FNIP1: variants seen among roughly 807,000 people sequenced by gnomAD.
The protein encoded by FNIP1 is folliculin-interacting protein 1.
FNIP1 carries 40 observed loss-of-function variants against 124.5 expected under a neutral mutation model. The observed-to-expected ratio is 0.32, with a 90% CI of 0.25 to 0.42. The LOEUF is 0.42. Ranked by LOEUF, FNIP1 falls within the 10% of genes least tolerant of loss-of-function variation. The pLI, the probability that FNIP1 is intolerant of heterozygous loss-of-function variation, is 1.00. For synonymous variants in FNIP1, 472 were observed against 470.6 expected (o/e 1.00, Z -0.04); for missense variants, 1,176 against 1,403.7 (o/e 0.84, Z 2.59).
chr5:131,775,618 C>G (rs561790384), intron 1 of FNIP1, among the ~76,000 whole-genome samples: 48 of 151,112 alleles, frequency 3.2e-4, no homozygotes, highest in Non-Finnish European at 6.5e-4. Context: ...ACCTCTGCCC[C>G]CCGGGTTCAA....
intron 1 of FNIP1, among the ~76,000 whole-genome samples, chr5:131,749,890 G>GT (rs1335012630): frequency 6.6e-6 from 1 of 152,044 alleles, no homozygotes; most frequent in Non-Finnish European, 1.5e-5. Context: ...TCTAGTGTGT[G>GT]TAAGTACACT....
chr5:131,736,016 C>G (rs1770290863), intron 2 of FNIP1, among the ~76,000 whole-genome samples: 1 of 152,110 alleles, frequency 6.6e-6, no homozygotes, highest in Non-Finnish European at 1.5e-5. Context: ...ATCCTCCCAC[C>G]TTGGCCTCCC....
intron 1 of FNIP1, among the ~76,000 whole-genome samples, chr5:131,750,003 G>A (rs1770816460): frequency 2.6e-5 from 4 of 152,142 alleles, no homozygotes; most frequent in Non-Finnish European, 5.9e-5. Flanking sequence ...GAAAACATAA[G>A]ATTTCCAGGC....
intron 1 of FNIP1, among the ~76,000 whole-genome samples, chr5:131,747,462 G>A (rs924868733): frequency 6.6e-6 from 1 of 152,146 alleles, no homozygotes; most frequent in Non-Finnish European, 1.5e-5. Context: ...ACAATGACTT[G>A]CATCACACTG....
chr5:131,734,402 C>G (rs2149552791), intron 2 of FNIP1, among the ~76,000 whole-genome samples: 1 of 151,928 alleles, frequency 6.6e-6, no homozygotes, highest in Admixed American at 6.6e-5. Context: ...TTCTCTAGTT[C>G]TTTTAATCAT....
chr5:131,734,966 C>T (rs1770237225), intron 2 of FNIP1, among the ~76,000 whole-genome samples: 1 of 152,120 alleles, frequency 6.6e-6, no homozygotes, highest in South Asian at 2.1e-4. Flanking sequence ...TGGGTATATA[C>T]CCAAAGGAAT....
chr5:131,788,981 C>T (rs901331297), intron 1 of FNIP1, among the ~76,000 whole-genome samples: 12 of 152,240 alleles, frequency 7.9e-5, no homozygotes, highest in Admixed American at 3.3e-4. Context: ...TTTACGGCAA[C>T]AGTATTTACA....
chr5:131,678,907 T>A (rs1441654822), intron 12 of FNIP1, 122 bp downstream of exon 12: 1 of 679,114 alleles, frequency 1.5e-6, no homozygotes, highest in Non-Finnish European at 2.4e-6. Context: ...TTTTTTAGAA[T>A]TCTGATTATT....
chr5:131,705,258 C>T (rs1008927051), intron 9 of FNIP1, among the ~76,000 whole-genome samples: 4 of 151,748 alleles, frequency 2.6e-5, no homozygotes, highest in Non-Finnish European at 5.9e-5. Context: ...ATCACTCGAG[C>T]CCAGAAGTTC....
intron 11 of FNIP1, among the ~76,000 whole-genome samples, chr5:131,692,184 T>C (rs538891084): frequency 6.6e-6 from 1 of 152,278 alleles, no homozygotes; most frequent in East Asian, 1.9e-4. Context: ...TTGGAACTAA[T>C]AAATGATTAT....
At chr5:131,700,338 G>A (rs1387582504) in intron 10 of FNIP1, among the ~76,000 whole-genome samples, 2 of 151,878 alleles carry the variant, frequency 1.3e-5, no homozygotes, top group Middle Eastern at 3.2e-3. Flanking sequence ...AATCTAGGTA[G>A]GCAAAAAGGG....
chr5:131,713,015 T>C (rs1769348691), intron 6 of FNIP1, among the ~76,000 whole-genome samples: 1 of 152,230 alleles, frequency 6.6e-6, no homozygotes, highest in Admixed American at 6.5e-5. Context: ...ACACACTCTC[T>C]GTATTTTTCC....
intron 6 of FNIP1, among the ~76,000 whole-genome samples, chr5:131,715,623 T>G (rs1246485233): frequency 6.6e-6 from 1 of 152,170 alleles, no homozygotes; most frequent in Non-Finnish European, 1.5e-5. Context: ...TTAAAATCAA[T>G]GAAGTAATCA....
rs560157419 is a variant in FNIP1 at position 131,722,384 on chromosome 5, C to G, written c.355-2967G>C. ...CCACTGTTTAGAGAGTGTCCCAATA[C>G]CATTCTTAACTGATGCAATTATATA... On this transcript the variant is annotated intron_variant, in intron 3 of 17. Coordinates refer to ENST00000510461, the MANE Select transcript of FNIP1 (RefSeq NM_133372.3). 2.2e-4 allele frequency among the ~76,000 whole-genome samples: 33 copies of G among 152,204 alleles called. 3 individuals carry two copies. In the South Asian group the frequency reaches 6.8e-3, roughly 32 times the overall value.
intron 11 of FNIP1, among the ~76,000 whole-genome samples, chr5:131,681,540 A>C (rs1768080497): frequency 6.6e-6 from 1 of 152,186 alleles, no homozygotes; most frequent in African/African-American, 2.4e-5. Flanking sequence ...TAATGCAAAC[A>C]ATGGAAGAAA....
At chr5:131,737,025 A>G (rs1173239391) in intron 2 of FNIP1, among the ~76,000 whole-genome samples, 2 of 152,220 alleles carry the variant, frequency 1.3e-5, no homozygotes, top group African/African-American at 2.4e-5. Flanking sequence ...TGTATTTTTC[A>G]GTAATATTTA....
At chr5:131,677,679 T>C (rs368159998) in intron 13 of FNIP1, 24 bp downstream of exon 13, 105 of 1,604,998 alleles carry the variant, frequency 6.5e-5, no homozygotes, top group Non-Finnish European at 8.9e-5. Context: ...TAATACATAG[T>C]GTAACAGTTG....
At chr5:131,765,011 C>T (rs1771371618) in intron 1 of FNIP1, among the ~76,000 whole-genome samples, 1 of 151,994 alleles carries the variant, frequency 6.6e-6, no homozygotes, top group African/African-American at 2.4e-5. Flanking sequence ...CTGCTTAAGG[C>T]CAGGAGTTCA....
At chr5:131,685,643 C>T (rs748435416) in intron 11 of FNIP1, among the ~76,000 whole-genome samples, 6 of 151,830 alleles carry the variant, frequency 4.0e-5, no homozygotes, top group East Asian at 1.9e-4. Flanking sequence ...TTAGTAGAGA[C>T]GGGTTTCACC....
Sources: allele counts gnomAD v4.1 joint callset (sites outside exome capture counted in the v4.1 genomes callset), GRCh38; gene constraint gnomAD v4.1.1; transcripts MANE v1.5; gene names NCBI Gene and HGNC (gene_info 2026-07-23, HGNC 2026-07-21).